Variants in ERBB4 observed in about 807,000 individuals in gnomAD.
ERBB4 encodes receptor tyrosine-protein kinase erbB-4.
Under a neutral mutation model 158.0 loss-of-function variants are expected in ERBB4, and 42 were observed. That is an observed-to-expected ratio of 0.27 (90% CI 0.21 to 0.34). ERBB4 has a LOEUF of 0.34. ERBB4 is among the 10% of genes least tolerant of loss of function. ERBB4 has a pLI of 1.00. For missense variants in ERBB4, 1,333 were observed against 1,624.1 expected, an observed-to-expected ratio of 0.82 and a Z score of 3.08; for synonymous variants, 583 against 558.7, an observed-to-expected ratio of 1.04 and a Z score of -0.61.
intron 1 of ERBB4, among the ~76,000 whole-genome samples, chr2:212,491,339 C>T (rs1456909638): frequency 6.6e-6 from 1 of 151,566 alleles, no homozygotes; most frequent in Non-Finnish European, 1.5e-5. Context: ...TTTAACATTA[C>T]AGAATCAAAG....
chr2:211,695,694 A>T (rs1265004594), intron 12 of ERBB4, among the ~76,000 whole-genome samples: 1 of 152,136 alleles, frequency 6.6e-6, no homozygotes, highest in Admixed American at 6.5e-5. Flanking sequence ...TGTTTTTCTC[A>T]CAAATTTTTA....
chr2:212,407,426 A>G (rs755279530), intron 1 of ERBB4, among the ~76,000 whole-genome samples: 6 of 152,072 alleles, frequency 3.9e-5, no homozygotes, highest in Non-Finnish European at 7.4e-5. Context: ...ACAGATAAAG[A>G]AACTGAGGCG....
At chr2:211,907,912 G>A (rs540222858) in intron 3 of ERBB4, among the ~76,000 whole-genome samples, 22 of 151,732 alleles carry the variant, frequency 1.4e-4, no homozygotes, top group Non-Finnish European at 2.6e-4. Flanking sequence ...TATGCAAAAA[G>A]TTATACAGCA....
intron 1 of ERBB4, among the ~76,000 whole-genome samples, chr2:212,248,525 C>T (rs1042073759): frequency 1.2e-4 from 18 of 151,908 alleles, no homozygotes; most frequent in Admixed American, 8.5e-4. Context: ...CTGTGATATA[C>T]TTTAACAAAG....
intron 1 of ERBB4, among the ~76,000 whole-genome samples, chr2:212,521,573 T>C (rs1199442790): frequency 2.6e-5 from 4 of 151,894 alleles, no homozygotes. Flanking sequence ...GCCCTAGTTC[T>C]CTCCTACTAC....
intron 1 of ERBB4, among the ~76,000 whole-genome samples, chr2:212,520,072 CAT>C (rs140296584): frequency 0.12 from 18,669 of 151,680 alleles, 1,241 homozygotes; most frequent in Non-Finnish European, 0.15. Context: ...ACAAAAGAAA[CAT>C]ATATCAGGAT....
At chr2:211,929,863 T>C (rs1402778755) in intron 3 of ERBB4, among the ~76,000 whole-genome samples, 2 of 152,148 alleles carry the variant, frequency 1.3e-5, no homozygotes, top group East Asian at 3.8e-4. Flanking sequence ...CATATAAATA[T>C]ATGTATATAG....
At chr2:211,720,026 C>T (rs536068629) in intron 7 of ERBB4, among the ~76,000 whole-genome samples, 77 of 152,154 alleles carry the variant, frequency 5.1e-4, no homozygotes, top group Non-Finnish European at 7.8e-4. Context: ...ATGAGTAGAA[C>T]GGTTGTCAAG....
At position 211,657,750 on chromosome 2, in the gene ERBB4, T is replaced by C. The variant is rs1425105451; in HGVS notation, c.1946+4A>G. 1.9e-6 allele frequency: 3 copies of C among 1,607,926 alleles called. No individual in the cohort carries two copies. Among genetic ancestry groups the C allele is most frequent in the Admixed American group, 1.7e-5 (1 of 60,012 alleles). On this transcript the variant is annotated splice_donor_region_variant and intron_variant, in intron 16 of 27. Coordinates refer to ENST00000342788, the MANE Select transcript of ERBB4 (RefSeq NM_005235.3). ...CGACAAAATGGAAACATGGTAGATG[T>C]TACCTAGCATGTTGTGGTAAAGTGG...
chr2:211,990,046 A>C (rs2082032735), intron 2 of ERBB4, among the ~76,000 whole-genome samples: 1 of 136,088 alleles, frequency 7.3e-6, no homozygotes, highest in East Asian at 1.9e-4. Context: ...TTAGGAATGA[A>C]AAAAAAAATA....
intron 3 of ERBB4, among the ~76,000 whole-genome samples, chr2:211,837,168 G>C (rs2077360405): frequency 6.6e-6 from 1 of 152,076 alleles, no homozygotes; most frequent in Non-Finnish European, 1.5e-5. Flanking sequence ...AGGATATTGT[G>C]CATGATAAAT....
rs891050521 is a variant in ERBB4, at chr2:211,377,683, C to T, written c.*5932G>A. On this transcript the variant is annotated 3_prime_UTR_variant, in exon 28 of 28. Coordinates refer to ENST00000342788, the MANE Select transcript of ERBB4 (RefSeq NM_005235.3). ...GCTACAAAATATTTACGATTAGGAA[C>T]CAAATAAGATGAATAAAGCAAATAA... The T allele has an allele frequency of 1.7e-5, 4 of 232,204 alleles. No homozygotes were observed. Among genetic ancestry groups the T allele is most frequent in the Non-Finnish European group, 3.4e-5 (4 of 117,536 alleles). The allele number at this position is 232,204 out of a possible 1,614,324, so 14.4% of individuals were successfully genotyped here.
intron 1 of ERBB4, among the ~76,000 whole-genome samples, chr2:212,251,642 A>G (rs138149649): frequency 1.1e-3 from 168 of 152,132 alleles, no homozygotes; most frequent in Non-Finnish European, 1.5e-3. Context: ...CAAAAGGAAT[A>G]GCAAATGCAG....
At chr2:212,356,679 C>A (rs1003441791) in intron 1 of ERBB4, among the ~76,000 whole-genome samples, 1 of 151,156 alleles carries the variant, frequency 6.6e-6, no homozygotes, top group Non-Finnish European at 1.5e-5. Context: ...ATTTTTAAAT[C>A]ATAATCACTA....
rs975752179 is a variant in ERBB4 at position 212,041,255 on chromosome 2, C to G, written c.234+83497G>C. Among the ~76,000 whole-genome samples the G allele has an allele frequency of 7.2e-5, 11 of 152,196 alleles. No individual in the cohort carries two copies. The South Asian group carries it at 2.1e-3, about 29-fold the overall frequency. ...GTTACAAAATTATAGCTGCCTACCA[C>G]TAGCTGCCAATGTTTAGTTGTTGCT... On this transcript the variant is annotated intron_variant, in intron 2 of 27. Transcript: ENST00000342788.
intron 3 of ERBB4, among the ~76,000 whole-genome samples, chr2:211,820,177 C>A (rs2076963791): frequency 6.6e-6 from 1 of 151,806 alleles, no homozygotes; most frequent in Non-Finnish European, 1.5e-5. Flanking sequence ...TTTTAAATAA[C>A]CAATGGAATA....
At chr2:211,668,878 A>T (rs946254165) in intron 14 of ERBB4, among the ~76,000 whole-genome samples, 1 of 152,104 alleles carries the variant, frequency 6.6e-6, no homozygotes, top group Non-Finnish European at 1.5e-5. Flanking sequence ...TGAATGGTAG[A>T]CCATAACAGG....
At chr2:212,293,216 T>A (rs1384303330) in intron 1 of ERBB4, among the ~76,000 whole-genome samples, 1 of 152,020 alleles carries the variant, frequency 6.6e-6, no homozygotes, top group African/African-American at 2.4e-5. Context: ...TAACTTATGA[T>A]GTGGGAGCTG....
intron 3 of ERBB4, among the ~76,000 whole-genome samples, chr2:211,843,362 G>C (rs1165857507): frequency 6.6e-6 from 1 of 151,870 alleles, no homozygotes; most frequent in Non-Finnish European, 1.5e-5. Context: ...TGCTTTTTTA[G>C]CTGTCGGTAC....
Sources: gnomAD v4.1 joint callset for allele counts (sites outside exome capture counted in the v4.1 genomes callset) on GRCh38, gnomAD v4.1.1 for gene constraint, MANE v1.5 for transcripts, NCBI Gene and HGNC (gene_info 2026-07-23, HGNC 2026-07-21) for gene names.